ZNF407: variants seen among roughly 807,000 people sequenced by gnomAD.
ZNF407 encodes zinc finger protein 407.
A neutral mutation model predicts 131.2 loss-of-function variants in ZNF407; 17 were observed. The ratio of observed to expected loss-of-function variants is 0.13; its 90% CI spans 0.09 to 0.19. The LOEUF (loss-of-function observed/expected upper bound fraction) is 0.19. ZNF407 is among the 10% of genes least tolerant of loss of function. The pLI, the probability that ZNF407 is intolerant of heterozygous loss-of-function variation, is 1.00. For synonymous variants in ZNF407, 1,156 were observed against 1,062.0 expected (o/e 1.09, Z -1.72); for missense variants, 2,681 against 2,830.6 (o/e 0.95, Z 1.20).
intron 3 of ZNF407, among the ~76,000 whole-genome samples, chr18:74,775,673 C>T (rs554970148): frequency 1.3e-5 from 2 of 152,286 alleles, no homozygotes; most frequent in South Asian, 2.1e-4. Context: ...GCTGTTCTCG[C>T]ATGGCTATAA....
chr18:74,971,867 C>G (rs1972476529), intron 8 of ZNF407, among the ~76,000 whole-genome samples: 1 of 152,172 alleles, frequency 6.6e-6, no homozygotes, highest in African/African-American at 2.4e-5. Flanking sequence ...ATACCTGAAA[C>G]TGGGAAGAAA....
chr18:74,680,418 A>G (rs1966955514), intron 3 of ZNF407, among the ~76,000 whole-genome samples: 1 of 143,580 alleles, frequency 7.0e-6, no homozygotes, highest in East Asian at 2.1e-4. Flanking sequence ...AAAAAAAAAT[A>G]GAACCCCCAA....
rs990671250 is a variant in ZNF407, at chr18:74,863,226, G to C, written c.4878-13971G>C. 6.6e-5 allele frequency among the ~76,000 whole-genome samples: 10 copies of C among 151,308 alleles called. No homozygotes were observed. In the East Asian group the frequency reaches 1.6e-3, roughly 24 times the overall value. ...GTGAGCCACCGCACCCGGCTCACTT[G>C]GGTTTTTTTTCTAGGTATTTCATAC... On this transcript the variant is annotated intron_variant, in intron 4 of 8. Coordinates refer to ENST00000299687, the MANE Select transcript of ZNF407 (RefSeq NM_017757.3).
At chr18:75,060,365 G>GC (rs1160093839) in intron 8 of ZNF407, 9 of 152,356 alleles carry the variant, frequency 5.9e-5, no homozygotes, top group African/African-American at 2.2e-4. Flanking sequence ...GCCAGGCCTG[G>GC]CTCCCCCCTG....
At chr18:75,031,729 A>C (rs1459845253) in intron 8 of ZNF407, among the ~76,000 whole-genome samples, 1 of 152,232 alleles carries the variant, frequency 6.6e-6, no homozygotes, top group Non-Finnish European at 1.5e-5. Context: ...TAACTTCTTA[A>C]CTTCTGGCAG....
Position 74,645,637 on chromosome 18 carries a change from TTGTGTGTGTG to T in ZNF407, c.4802+4544_4802+4553del, listed in dbSNP as rs35047949. Among the ~76,000 whole-genome samples the T allele has an allele frequency of 6.2e-5, 9 of 145,196 alleles. No homozygotes were observed. The East Asian group carries it at 8.1e-4, about 13-fold the overall frequency. On this transcript the variant is annotated intron_variant, in intron 3 of 8. Transcript: ENST00000299687. Reference sequence around the variant, plus strand: ...AAAGTTACTAATGCAGTAAAACTCTTTGTGTGTGTGTGTGTGTGTGTGTGTGTGTGTGTGT... The same window carrying T: ...AAAGTTACTAATGCAGTAAAACTCTTTGTGTGTGTGTGTGTGTGTGTGTGT...
At chr18:74,663,517 A>G (rs1985801874) in intron 3 of ZNF407, among the ~76,000 whole-genome samples, 1 of 152,188 alleles carries the variant, frequency 6.6e-6, no homozygotes, top group African/African-American at 2.4e-5. Flanking sequence ...CAGAACATCA[A>G]TTAAGAATAG....
intron 4 of ZNF407, among the ~76,000 whole-genome samples, chr18:74,815,359 C>T (rs1022181526): frequency 1.3e-5 from 2 of 152,076 alleles, no homozygotes; most frequent in African/African-American, 4.8e-5. Flanking sequence ...ATGTCACTGA[C>T]GCATCTCTGC....
intron 3 of ZNF407, among the ~76,000 whole-genome samples, chr18:74,727,555 G>C (rs928652369): frequency 6.6e-6 from 1 of 152,164 alleles, no homozygotes; most frequent in African/African-American, 2.4e-5. Context: ...ACAGGGGCTC[G>C]AATGAAGTCT....
At chr18:74,866,792 TATTC>T (rs1455750833) in intron 4 of ZNF407, among the ~76,000 whole-genome samples, 7 of 149,228 alleles carry the variant, frequency 4.7e-5, no homozygotes, top group Admixed American at 2.7e-4. Flanking sequence ...CATTATATTT[TATTC>T]ATTATATTAT....
At chr18:74,811,744 AATC>A (rs943196581) in intron 4 of ZNF407, among the ~76,000 whole-genome samples, 15 of 152,082 alleles carry the variant, frequency 9.9e-5, no homozygotes, top group African/African-American at 3.6e-4. Flanking sequence ...TGAAATTGGA[AATC>A]ATCATTCTCA....
chr18:74,637,912 TAG>T (rs1161749791), intron 2 of ZNF407, among the ~76,000 whole-genome samples: 1 of 152,316 alleles, frequency 6.6e-6, no homozygotes, highest in Non-Finnish European at 1.5e-5. Flanking sequence ...AAAAGGATCC[TAG>T]AGTCTCCCCG....
intron 4 of ZNF407, among the ~76,000 whole-genome samples, chr18:74,862,415 G>A (rs1970950276): frequency 6.6e-6 from 1 of 152,054 alleles, no homozygotes; most frequent in Non-Finnish European, 1.5e-5. Flanking sequence ...AACAGTGATA[G>A]GAGAGAAATA....
chr18:74,955,255 G>T (rs1972262543), intron 8 of ZNF407, among the ~76,000 whole-genome samples: 3 of 152,314 alleles, frequency 2.0e-5, no homozygotes, highest in Admixed American at 1.3e-4. Flanking sequence ...ACATCTCGGG[G>T]AGCCACTGGG....
At position 75,063,458 on chromosome 18, in the gene ZNF407, G is replaced by A. The variant is rs17056248; in HGVS notation, c.5737G>A (p.Ala1913Thr). The change falls in exon 9 of 9, where the codon GCC becomes ACC. Residue 1913 changes from alanine (A) to threonine (T), a missense_variant. This residue lies in a region of ZNF407 where 620 missense variants were observed against 583.1 expected (regional missense o/e 1.06). Transcript: ENST00000299687. The surrounding 1 kb of genome is among the most constrained non-coding windows in gnomAD (Gnocchi z 6.6). Reference protein sequence around the residue: ...VHITEDGQVIATSQSGAHVGS... With the variant: ...VHITEDGQVITTSQSGAHVGS... ...TATCACGGAGGATGGCCAGGTCATC[G>A]CCACGAGTCAGAGCGGGGCACATGT... 4.5e-5 allele frequency: 72 copies of A among 1,606,410 alleles called. No individual in the cohort carries two copies. The highest frequency in any genetic ancestry group is 3.6e-4 in the African/African-American group (27 of 74,784).
At chr18:75,034,659 G>T (rs1973286796) in intron 8 of ZNF407, among the ~76,000 whole-genome samples, 1 of 151,654 alleles carries the variant, frequency 6.6e-6, no homozygotes, top group Non-Finnish European at 1.5e-5. Flanking sequence ...TTGTTTGTGG[G>T]TACAAGGTCA....
chr18:74,736,829 C>T (rs977360504), intron 3 of ZNF407, among the ~76,000 whole-genome samples: 9 of 152,064 alleles, frequency 5.9e-5, no homozygotes, highest in East Asian at 1.9e-4. Flanking sequence ...TTATGGTCTC[C>T]GTTCATATAG....
rs561647158 is a variant in ZNF407 at position 75,006,099 on chromosome 18, T to G, written c.5429-57051T>G. On this transcript the variant is annotated intron_variant, in intron 8 of 8. Coordinates refer to ENST00000299687, the MANE Select transcript of ZNF407 (RefSeq NM_017757.3). ...ACCCTCCGTGCTGTCTTGGAGGAGG[T>G]GTCTTCAGGGATCAGCCTCAGAACT... Among the ~76,000 whole-genome samples the G allele has an allele frequency of 2.6e-5, 4 of 152,142 alleles. No homozygotes were observed. In the South Asian group the frequency reaches 8.3e-4, roughly 32 times the overall value.
chr18:74,951,912 C>G (rs999482080), intron 8 of ZNF407, among the ~76,000 whole-genome samples: 1 of 151,618 alleles, frequency 6.6e-6, no homozygotes, highest in Non-Finnish European at 1.5e-5. Context: ...AACAGTAATT[C>G]TAGGAAACTT....
Sources: allele counts gnomAD v4.1 joint callset (sites outside exome capture counted in the v4.1 genomes callset), GRCh38; gene constraint gnomAD v4.1.1; regional missense constraint gnomAD v4.1.1; non-coding constraint Gnocchi (gnomAD v3.1); transcripts MANE v1.5; gene names NCBI Gene and HGNC (gene_info 2026-07-23, HGNC 2026-07-21).